Variants in ZNF562 observed in about 807,000 individuals in gnomAD.
ZNF562 encodes zinc finger protein 562.
Under a neutral mutation model 17.5 loss-of-function variants are expected in ZNF562, and 13 were observed. That is an observed-to-expected ratio of 0.74 (90% CI 0.48 to 1.18). The LOEUF is 1.18. Among genes scored for constraint, ZNF562 ranks in the 50% most tolerant of loss-of-function variants. The probability of loss-of-function intolerance (pLI) is 0.00; values close to 1 mark genes in which losing one functional copy is unlikely to be tolerated. For synonymous variants in ZNF562, 163 were observed against 165.4 expected (o/e 0.99, Z 0.11); for missense variants, 481 against 498.5 (o/e 0.96, Z 0.33).
At chr19:9,671,337 G>A (rs2044190521) in intron 1 of ZNF562, among the ~76,000 whole-genome samples, 1 of 152,130 alleles carries the variant, frequency 6.6e-6, no homozygotes, top group Admixed American at 6.5e-5. Context: ...ATATTCCCTT[G>A]TCTGGATCAT....
rs2074819499 is a variant in ZNF562 at position 9,647,848 on chromosome 19, TCAAAAA to T, written c.*5095_*5100del. 2 of 151,784 alleles carry T rather than the reference TCAAAAA, an allele frequency of 1.3e-5. No individual in the cohort carries two copies. Among genetic ancestry groups the T allele is most frequent in the African/African-American group, 4.8e-5 (2 of 41,314 alleles). 9.4% of individuals were successfully genotyped at this position (151,784 alleles called of 1,614,324 possible). ...CCTGGGCAACGAGTGAAACACTAAC[TCAAAAA>T]CAAAGAAACAAACACCAACTCAAAA... On this transcript the variant is annotated 3_prime_UTR_variant, in exon 6 of 6. Transcript: ENST00000453372.
At chr19:9,669,289 A>G (rs1183562531) in intron 1 of ZNF562, among the ~76,000 whole-genome samples, 1 of 152,162 alleles carries the variant, frequency 6.6e-6, no homozygotes, top group Non-Finnish European at 1.5e-5. Flanking sequence ...AATCAGCAAA[A>G]GGTCAGAATA....
chr19:9,655,717 CTTTTTTTTTTT>C (rs58199071), intron 5 of ZNF562, among the ~76,000 whole-genome samples: 3 of 48,694 alleles, frequency 6.2e-5, no homozygotes, highest in Admixed American at 3.4e-4. Flanking sequence ...TCTTTTCTTT[CTTTTTTTTTTT>C]TTTTTTTTTT....
Position 9,651,629 on chromosome 19 carries a change from G to T in ZNF562, c.*1320C>A, listed in dbSNP as rs1203011965. The T allele has an allele frequency of 1.3e-5, 2 of 152,216 alleles. No individual in the cohort carries two copies. Among genetic ancestry groups the T allele is most frequent in the Admixed American group, 1.3e-4 (2 of 15,276 alleles). The allele number at this position is 152,216 out of a possible 1,614,324, so 9.4% of individuals were successfully genotyped here. ...GGCAGAAAACTGGAAAACTGCTCAA[G>T]GCATTCCTAAACCACAAACAATAGC... is the stretch of plus-strand genomic sequence containing the variant. On this transcript the variant is annotated 3_prime_UTR_variant, in exon 6 of 6. Transcript: ENST00000453372.
At chr19:9,654,459 T>C (rs775037516) in intron 5 of ZNF562, among the ~76,000 whole-genome samples, 1 of 152,032 alleles carries the variant, frequency 6.6e-6, no homozygotes, top group Non-Finnish European at 1.5e-5. Flanking sequence ...TTTTTTGATT[T>C]ATTTATTTAT....
At chr19:9,663,013 C>G (rs1371183214) in intron 1 of ZNF562, among the ~76,000 whole-genome samples, 1 of 151,626 alleles carries the variant, frequency 6.6e-6, no homozygotes, top group African/African-American at 2.4e-5. Flanking sequence ...AGCTATTGTT[C>G]TAAATGTTGT....
At chr19:9,657,541 C>T (rs2043550676) in intron 4 of ZNF562, among the ~76,000 whole-genome samples, 2 of 145,384 alleles carry the variant, frequency 1.4e-5, no homozygotes, top group South Asian at 4.3e-4. Context: ...CAAAGTGGAT[C>T]TTTAAAAATC....
chr19:9,654,530 C>T (rs961462335), intron 5 of ZNF562, among the ~76,000 whole-genome samples: 14 of 151,942 alleles, frequency 9.2e-5, no homozygotes, highest in East Asian at 1.9e-4. Context: ...GTCACGATTT[C>T]GGCTCACTGC....
rs946338677 is a variant in ZNF562, at chr19:9,648,751, A to G, written c.*4198T>C. On this transcript the variant is annotated 3_prime_UTR_variant, in exon 6 of 6. Coordinates refer to ENST00000453372, the MANE Select transcript of ZNF562 (RefSeq NM_001130031.2). ...CCCCTGGGCTCAGGCCACCCTCCCAAGTAGCTAAAACTATAGGCATGCATC... is the reference window on the plus strand; with the variant it reads ...CCCCTGGGCTCAGGCCACCCTCCCAGGTAGCTAAAACTATAGGCATGCATC... 1.3e-5 allele frequency: 2 copies of G among 151,762 alleles called. No individual in the cohort carries two copies. The highest frequency in any genetic ancestry group is 6.6e-5 in the Admixed American group (1 of 15,218). The allele number at this position is 151,762 out of a possible 1,614,324, so 9.4% of individuals were successfully genotyped here.
Position 9,644,183 on chromosome 19 carries a change from A to G in ZNF562, c.*8766T>C, listed in dbSNP as rs145412722. 28 of 152,288 alleles carry G rather than the reference A, an allele frequency of 1.8e-4. No homozygotes were observed. Among genetic ancestry groups the G allele is most frequent in the African/African-American group, 6.3e-4 (26 of 41,552 alleles). The allele number at this position is 152,288 out of a possible 1,614,324, so 9.4% of individuals were successfully genotyped here. On this transcript the variant is annotated 3_prime_UTR_variant, in exon 6 of 6. Transcript: ENST00000453372. ...TGTTTTTATCAGTGATAAAAACGAT[A>G]CATATATACATCTTGTACTGCATCA...
At chr19:9,671,642 G>A (rs1366641616) in intron 1 of ZNF562, among the ~76,000 whole-genome samples, 2 of 152,190 alleles carry the variant, frequency 1.3e-5, no homozygotes, top group Non-Finnish European at 2.9e-5. Context: ...AGGCTGCAAT[G>A]CAAGCTTCCT....
intron 5 of ZNF562, among the ~76,000 whole-genome samples, chr19:9,654,584 G>A (rs2043389801): frequency 6.6e-6 from 1 of 151,952 alleles, no homozygotes; most frequent in South Asian, 2.1e-4. Context: ...GCCTCAGCCT[G>A]CCAACTAGCA....
chr19:9,672,885 T>C (rs1287201348), intron 1 of ZNF562, among the ~76,000 whole-genome samples: 2 of 151,446 alleles, frequency 1.3e-5, no homozygotes, highest in South Asian at 2.1e-4. Context: ...GTTAAAGTGA[T>C]TCTCTTGCCT....
rs1181726330 is a variant in ZNF562, at chr19:9,650,138, T to G, written c.*2811A>C. On this transcript the variant is annotated 3_prime_UTR_variant, in exon 6 of 6. Coordinates refer to ENST00000453372, the MANE Select transcript of ZNF562 (RefSeq NM_001130031.2). ...AATAGAGTGCATATCTCACCAGAAC[T>G]GCAAAGACAAGTATGCTGGTATTAC... The G allele has an allele frequency of 2.0e-5, 3 of 152,112 alleles. No individual in the cohort carries two copies. Among genetic ancestry groups the G allele is most frequent in the African/African-American group, 7.2e-5 (3 of 41,442 alleles). The allele number at this position is 152,112 out of a possible 1,614,324, so 9.4% of individuals were successfully genotyped here. A position where few individuals can be genotyped will look rare whatever the true frequency, so the allele number is the denominator to read the frequency against.
chr19:9,648,752 G>A lies in ZNF562; in HGVS notation c.*4197C>T, dbSNP rs2074829122. ...CCCTGGGCTCAGGCCACCCTCCCAA[G>A]TAGCTAAAACTATAGGCATGCATCA... On this transcript the variant is annotated 3_prime_UTR_variant, in exon 6 of 6. Coordinates refer to ENST00000453372, the MANE Select transcript of ZNF562 (RefSeq NM_001130031.2). 6.6e-6 allele frequency: 1 copy of A among 151,284 alleles called. No individual in the cohort carries two copies. The highest frequency in any genetic ancestry group is 2.1e-4 in the South Asian group (1 of 4,790). The allele number at this position is 151,284 out of a possible 1,614,324, so 9.4% of individuals were successfully genotyped here. A position where few individuals can be genotyped will look rare whatever the true frequency, so the allele number is the denominator to read the frequency against.
At chr19:9,668,529 A>G (rs1199451706) in intron 1 of ZNF562, among the ~76,000 whole-genome samples, 4 of 152,240 alleles carry the variant, frequency 2.6e-5, no homozygotes, top group Non-Finnish European at 1.5e-5. Context: ...TGTTAAAATG[A>G]CAATACTACC....
chr19:9,672,391 T>A (rs1176453258), intron 1 of ZNF562, among the ~76,000 whole-genome samples: 1 of 152,200 alleles, frequency 6.6e-6, no homozygotes, highest in Non-Finnish European at 1.5e-5. Flanking sequence ...GCATCACATG[T>A]ACAATTTATG....
rs2074788141 is a variant in ZNF562 at position 9,643,703 on chromosome 19, T to C, written c.*9246A>G. On this transcript the variant is annotated 3_prime_UTR_variant, in exon 6 of 6. Transcript: ENST00000453372. ...TTTTTTGTAGATGGGGGGCTTGCTA[T>C]GCTGTCCAGGCAGGTCTCGAACTCC... The C allele has an allele frequency of 6.6e-6, 1 of 152,042 alleles. No individual in the cohort carries two copies. Among genetic ancestry groups the C allele is most frequent in the African/African-American group, 2.4e-5 (1 of 41,362 alleles). 9.4% of individuals were successfully genotyped at this position (152,042 alleles called of 1,614,324 possible). A position where few individuals can be genotyped will look rare whatever the true frequency, so the allele number is the denominator to read the frequency against.
At chr19:9,654,375 A>C (rs1422296685) in intron 5 of ZNF562, among the ~76,000 whole-genome samples, 1 of 152,146 alleles carries the variant, frequency 6.6e-6, no homozygotes, top group African/African-American at 2.4e-5. Context: ...TGTAACCTCA[A>C]ACGCCTGGCT....
Sources: gnomAD v4.1 joint callset for allele counts (sites outside exome capture counted in the v4.1 genomes callset) on GRCh38, gnomAD v4.1.1 for gene constraint, MANE v1.5 for transcripts, NCBI Gene and HGNC (gene_info 2026-07-23, HGNC 2026-07-21) for gene names.